FBXO42: variants seen among roughly 807,000 people sequenced by gnomAD.
The protein encoded by FBXO42 is F-box protein 42.
Under a neutral mutation model 71.7 loss-of-function variants are expected in FBXO42, and 12 were observed. The ratio of observed to expected loss-of-function variants is 0.17; its 90% CI spans 0.11 to 0.27. The LOEUF (loss-of-function observed/expected upper bound fraction) is 0.27, where lower values mean the gene tolerates loss of function less well. FBXO42 is among the 10% of genes least tolerant of loss of function. The pLI, the probability that FBXO42 is intolerant of heterozygous loss-of-function variation, is 1.00. For missense variants in FBXO42, 707 were observed against 911.9 expected, an observed-to-expected ratio of 0.78 and a Z score of 2.89; for synonymous variants, 325 against 327.5, an observed-to-expected ratio of 0.99 and a Z score of 0.08.
chr1:16,263,484 G>A (rs111499613), intron 4 of FBXO42, among the ~76,000 whole-genome samples: 4,659 of 150,932 alleles, frequency 0.031, 215 homozygotes, highest in African/African-American at 0.11. Flanking sequence ...GCACACGGCC[G>A]GCCAGGCGTG....
intron 4 of FBXO42, among the ~76,000 whole-genome samples, chr1:16,269,277 T>C (rs2081812999): frequency 6.7e-6 from 1 of 148,364 alleles, no homozygotes; most frequent in Admixed American, 6.7e-5. Context: ...TTAGTAGAGA[T>C]GAGGTTTTGT....
intron 5 of FBXO42, 41 bp downstream of exon 5, chr1:16,256,565 C>A: frequency 6.3e-7 from 1 of 1,596,468 alleles, no homozygotes; most frequent in South Asian, 1.1e-5. Flanking sequence ...TGATTTAAGG[C>A]CTTTTCTTCC....
Position 16,315,290 on chromosome 1 carries a change from A to G in FBXO42, c.129T>C (p.His43=). 1 of 1,614,062 alleles carries G rather than the reference A, an allele frequency of 6.2e-7. No homozygotes were observed. The highest frequency in any genetic ancestry group is 8.5e-7 in the Non-Finnish European group (1 of 1,180,018). Residue 43 remains histidine, a synonymous_variant, in exon 2 of 10, where the codon CAT becomes CAC. Transcript: ENST00000375592. ...HPVLEAEETR[H]NRSMSELPEE... is the part of the protein sequence containing the mutation. ...CTGGCAGCTCCGACATGGACCTATT[A>G]TGTCTAGTCTCCTCAGCCTCCAATA...
intron 4 of FBXO42, among the ~76,000 whole-genome samples, chr1:16,290,681 CAAA>C (rs34993877): frequency 1.4e-4 from 21 of 146,860 alleles, no homozygotes; most frequent in South Asian, 6.6e-4. Flanking sequence ...GACAGAGTGA[CAAA>C]AAAAAAAAAA....
At chr1:16,274,040 G>A (rs193034663) in intron 4 of FBXO42, among the ~76,000 whole-genome samples, 1 of 152,106 alleles carries the variant, frequency 6.6e-6, no homozygotes, top group African/African-American at 2.4e-5. Context: ...CCATTTACAC[G>A]AAGTTCAAGA....
intron 1 of FBXO42, among the ~76,000 whole-genome samples, chr1:16,332,614 C>T (rs1187211554): frequency 6.6e-6 from 1 of 150,516 alleles, no homozygotes; most frequent in Non-Finnish European, 1.5e-5. Context: ...AACCTCAGCT[C>T]ACTGCAACCC....
At chr1:16,350,612 T>C (rs930076230) in intron 1 of FBXO42, among the ~76,000 whole-genome samples, 1 of 142,434 alleles carries the variant, frequency 7.0e-6, no homozygotes, top group African/African-American at 2.6e-5. Flanking sequence ...GCGGGCGTGG[T>C]GGCGCACACC....
intron 4 of FBXO42, among the ~76,000 whole-genome samples, chr1:16,273,364 A>G (rs1432562490): frequency 6.6e-6 from 1 of 152,112 alleles, no homozygotes; most frequent in African/African-American, 2.4e-5. Context: ...TTCCTCCCCA[A>G]ACTTCTGTAA....
intron 1 of FBXO42, among the ~76,000 whole-genome samples, chr1:16,324,810 C>T (rs1048741435): frequency 6.6e-6 from 1 of 151,470 alleles, no homozygotes; most frequent in Admixed American, 6.6e-5. Context: ...AGCAAGACTC[C>T]GTTTCAAAAA....
intron 1 of FBXO42, among the ~76,000 whole-genome samples, chr1:16,340,185 A>C (rs2082589416): frequency 6.6e-6 from 1 of 152,124 alleles, no homozygotes; most frequent in Non-Finnish European, 1.5e-5. Flanking sequence ...TCAAAAAAAA[A>C]AAAGTAAATT....
intron 4 of FBXO42, among the ~76,000 whole-genome samples, chr1:16,262,060 C>T (rs1460318024): frequency 6.6e-6 from 1 of 152,124 alleles, no homozygotes; most frequent in Non-Finnish European, 1.5e-5. Context: ...TAATATTTGG[C>T]ATATTTATTG....
intron 4 of FBXO42, among the ~76,000 whole-genome samples, chr1:16,273,356 C>A (rs1340922449): frequency 2.0e-5 from 3 of 152,112 alleles, no homozygotes; most frequent in Non-Finnish European, 4.4e-5. Flanking sequence ...AGTGGTCTTT[C>A]CTCCCCAAAC....
chr1:16,285,325 G>A (rs2082010091), intron 4 of FBXO42, among the ~76,000 whole-genome samples: 1 of 151,916 alleles, frequency 6.6e-6, no homozygotes, highest in South Asian at 2.1e-4. Context: ...CCAGGCTGGA[G>A]TGCAATGGTG....
intron 5 of FBXO42, 41 bp downstream of exon 5, chr1:16,256,565 C>T (rs538177401): frequency 1.3e-6 from 2 of 1,596,468 alleles, no homozygotes; most frequent in African/African-American, 1.3e-5. Context: ...TGATTTAAGG[C>T]CTTTTCTTCC....
At position 16,251,032 on chromosome 1, in the gene FBXO42, T is replaced by C. The variant is rs150264690; in HGVS notation, c.1792A>G (p.Thr598Ala). 11 of 1,614,076 alleles carry C rather than the reference T, an allele frequency of 6.8e-6. No homozygotes were observed. The highest frequency in any genetic ancestry group is 9.3e-6 in the Non-Finnish European group (11 of 1,180,038). ...GGCCCTGGGCGAGGGATGGGCACTG[T>C]TTCTCCACTGCTCAAACTCTGGCTC... ...PGSQSLSSGETVPIPRPGPAQ... is the reference protein window; with the variant it reads ...PGSQSLSSGEAVPIPRPGPAQ... The change falls in exon 10 of 10, where the codon ACA (threonine) becomes GCA (alanine). Residue 598 changes from threonine to alanine, a missense_variant. Transcript: ENST00000375592. The surrounding 1 kb of genome is among the most constrained non-coding windows in gnomAD (Gnocchi z 4.5).
At chr1:16,269,851 CTGTTT>C (rs113133245) in intron 4 of FBXO42, among the ~76,000 whole-genome samples, 53,428 of 149,790 alleles carry the variant, frequency 0.36, 10,009 homozygotes, top group African/African-American at 0.43. Context: ...TTTGTTTTTT[CTGTTT>C]TGTTTTGTTT....
chr1:16,276,693 T>A (rs1043544689), intron 4 of FBXO42, among the ~76,000 whole-genome samples: 1 of 152,242 alleles, frequency 6.6e-6, no homozygotes, highest in Non-Finnish European at 1.5e-5. Context: ...ATGAAATTTA[T>A]TGTGGTAATA....
At chr1:16,276,841 A>T (rs1346295956) in intron 4 of FBXO42, among the ~76,000 whole-genome samples, 1 of 152,272 alleles carries the variant, frequency 6.6e-6, no homozygotes, top group African/African-American at 2.4e-5. Flanking sequence ...ACAGGATCAC[A>T]GCATGTAGAT....
At chr1:16,331,053 G>T (rs192196861) in intron 1 of FBXO42, among the ~76,000 whole-genome samples, 2 of 151,936 alleles carry the variant, frequency 1.3e-5, no homozygotes, top group Non-Finnish European at 2.9e-5. Flanking sequence ...CCAGGAGGCG[G>T]AGGTTGCAGT....
Sources: allele counts gnomAD v4.1 joint callset (sites outside exome capture counted in the v4.1 genomes callset), GRCh38; gene constraint gnomAD v4.1.1; non-coding constraint Gnocchi (gnomAD v3.1); transcripts MANE v1.5; gene names NCBI Gene and HGNC (gene_info 2026-07-23, HGNC 2026-07-21).